The following EPHA7 variants were observed in gnomAD, a reference collection of about 807,000 sequenced individuals.
The protein encoded by EPHA7 is ephrin type-A receptor 7.
In EPHA7, 25 loss-of-function variants were observed where a neutral mutation model predicts 112.6. That is an observed-to-expected ratio of 0.22 (90% confidence interval 0.16 to 0.31). The LOEUF is 0.31. Among genes scored for constraint, EPHA7 ranks in the 10% least tolerant of loss-of-function variants. The pLI is 1.00. For missense variants in EPHA7, 962 were observed against 1,212.6 expected, an observed-to-expected ratio of 0.79 and a Z score of 3.07; for synonymous variants, 437 against 406.5, an observed-to-expected ratio of 1.07 and a Z score of -0.90.
intron 3 of EPHA7, among the ~76,000 whole-genome samples, chr6:93,396,037 G>A (rs1209326883): frequency 6.6e-6 from 1 of 151,726 alleles, no homozygotes; most frequent in Non-Finnish European, 1.5e-5. Flanking sequence ...TTTTGTAATT[G>A]TGTCTCTGCT....
chr6:93,410,991 T>C lies in EPHA7; in HGVS notation c.342A>G (p.Gly114=). 1 of 1,614,044 alleles carries C rather than the reference T, an allele frequency of 6.2e-7. No homozygotes were observed. ...FTLRDCNSLP[G]VLGTCKETFN... ...ATGTTTCCTTGCAAGTTCCCAGTAC[T>C]CCAGGAAGACTGTTACAATCCCTCA... Residue 114 remains glycine (G), a synonymous_variant, in exon 3 of 17, where the codon GGA becomes GGG. Coordinates refer to ENST00000369303, the MANE Select transcript of EPHA7 (RefSeq NM_004440.4). The surrounding 1 kb of genome is among the most constrained non-coding windows in gnomAD (Gnocchi z 4.0).
intron 1 of EPHA7, among the ~76,000 whole-genome samples, chr6:93,418,559 G>C (rs1035171938): frequency 6.8e-4 from 103 of 152,288 alleles, no homozygotes; most frequent in African/African-American, 2.4e-3. Flanking sequence ...CCCCATGACC[G>C]CTGGGCCCGA....
chr6:93,300,091 A>G (rs551162962), intron 5 of EPHA7, among the ~76,000 whole-genome samples: 1 of 152,204 alleles, frequency 6.6e-6, no homozygotes, highest in Non-Finnish European at 1.5e-5. Flanking sequence ...GAGTTTATCT[A>G]CATAACAAAC....
At chr6:93,312,044 C>T (rs575149441) in intron 5 of EPHA7, among the ~76,000 whole-genome samples, 1 of 152,216 alleles carries the variant, frequency 6.6e-6, no homozygotes, top group South Asian at 2.1e-4. Context: ...GTTATCAAGG[C>T]TTCATTGATA....
intron 5 of EPHA7, among the ~76,000 whole-genome samples, chr6:93,325,731 T>G (rs112966876): frequency 6.6e-6 from 1 of 151,408 alleles, no homozygotes; most frequent in Non-Finnish European, 1.5e-5. Context: ...ACGAATCTAC[T>G]GGTATACTTA....
At chr6:93,295,024 G>A (rs2127841871) in intron 5 of EPHA7, among the ~76,000 whole-genome samples, 1 of 151,744 alleles carries the variant, frequency 6.6e-6, no homozygotes, top group East Asian at 1.9e-4. Context: ...AGGGGGGAAG[G>A]GAGGAAGATG....
chr6:93,255,761 A>G, intron 13 of EPHA7, 67 bp downstream of exon 13: 1 of 1,369,884 alleles, frequency 7.3e-7, no homozygotes, highest in Non-Finnish European at 1.0e-6. Flanking sequence ...TTACATTATT[A>G]GGTCCTGCTT....
chr6:93,389,671 A>T (rs561978327), intron 3 of EPHA7, among the ~76,000 whole-genome samples: 39 of 152,170 alleles, frequency 2.6e-4, no homozygotes, highest in African/African-American at 9.4e-4. Flanking sequence ...TATAATTTCA[A>T]TCCTAAAAAT....
intron 3 of EPHA7, among the ~76,000 whole-genome samples, chr6:93,371,118 C>G (rs1265848679): frequency 6.6e-6 from 1 of 151,054 alleles, no homozygotes; most frequent in Non-Finnish European, 1.5e-5. Context: ...GAGCCCAGAT[C>G]GCGCCACTGC....
intron 5 of EPHA7, among the ~76,000 whole-genome samples, chr6:93,334,783 A>G (rs1774777275): frequency 6.6e-6 from 1 of 152,094 alleles, no homozygotes; most frequent in African/African-American, 2.4e-5. Flanking sequence ...AGTGATGCAA[A>G]TCCATTTCAT....
intron 14 of EPHA7, among the ~76,000 whole-genome samples, chr6:93,251,674 G>T (rs1486755): frequency 0.65 from 97,970 of 151,428 alleles, 32,737 homozygotes; most frequent in South Asian, 0.83. Context: ...AGGGTAAAAA[G>T]TTGATTTGGA....
chr6:93,383,190 T>C (rs1282391783), intron 3 of EPHA7, among the ~76,000 whole-genome samples: 4 of 151,970 alleles, frequency 2.6e-5, no homozygotes, highest in East Asian at 3.9e-4. Context: ...GTAGTGTGTG[T>C]GTGTGTATAT....
intron 5 of EPHA7, among the ~76,000 whole-genome samples, chr6:93,285,942 T>C (rs1772040668): frequency 6.6e-6 from 1 of 152,158 alleles, no homozygotes; most frequent in Non-Finnish European, 1.5e-5. Context: ...GCGGCACCCT[T>C]TTTTACATAT....
chr6:93,309,443 C>T (rs1449320320), intron 5 of EPHA7, among the ~76,000 whole-genome samples: 2 of 151,776 alleles, frequency 1.3e-5, no homozygotes, highest in African/African-American at 2.4e-5. Flanking sequence ...TTTTTGGGCA[C>T]AATTTTTTTT....
chr6:93,401,529 C>CA (rs1327222844), intron 3 of EPHA7, among the ~76,000 whole-genome samples: 6 of 151,170 alleles, frequency 4.0e-5, no homozygotes, highest in South Asian at 2.1e-4. Context: ...GGGTAGAAAA[C>CA]AAAAAAAATA....
intron 3 of EPHA7, among the ~76,000 whole-genome samples, chr6:93,404,981 T>C (rs553589378): frequency 2.3e-4 from 35 of 151,990 alleles, no homozygotes; most frequent in Admixed American, 7.2e-4. Context: ...AAAACCCATA[T>C]TTTGGAGATA....
intron 5 of EPHA7, among the ~76,000 whole-genome samples, chr6:93,316,141 T>C (rs1773798808): frequency 6.6e-6 from 1 of 152,134 alleles, no homozygotes; most frequent in South Asian, 2.1e-4. Flanking sequence ...ATAATAACAG[T>C]GAAGCTAACA....
intron 1 of EPHA7, among the ~76,000 whole-genome samples, chr6:93,416,629 G>C (rs1477170677): frequency 6.6e-6 from 1 of 152,182 alleles, no homozygotes; most frequent in Non-Finnish European, 1.5e-5. Context: ...CCGCTCTCTG[G>C]TTAAACCCTC....
intron 5 of EPHA7, among the ~76,000 whole-genome samples, chr6:93,273,733 A>T (rs1771341960): frequency 6.6e-6 from 1 of 151,966 alleles, no homozygotes; most frequent in Non-Finnish European, 1.5e-5. Flanking sequence ...CAATGAAGCT[A>T]ATTTCTAGTA....
Sources: gnomAD v4.1 joint callset for allele counts (sites outside exome capture counted in the v4.1 genomes callset) on GRCh38, gnomAD v4.1.1 for gene constraint, Gnocchi (gnomAD v3.1) non-coding constraint, MANE v1.5 for transcripts, NCBI Gene and HGNC (gene_info 2026-07-23, HGNC 2026-07-21) for gene names.